The following GALNT13 variants were observed in gnomAD, a reference collection of about 807,000 sequenced individuals.
The protein encoded by GALNT13 is polypeptide N-acetylgalactosaminyltransferase 13, also known as UDP-GalNAc:polypeptide N-acetylgalactosaminyltransferase 13.
In GALNT13, 28 loss-of-function variants were observed where a neutral mutation model predicts 64.2. That is an observed-to-expected ratio of 0.44 (90% CI 0.32 to 0.60). The LOEUF is 0.60. GALNT13 is among the 20% of genes least tolerant of loss of function. The pLI is 0.05. For synonymous variants in GALNT13, 214 were observed against 224.6 expected (o/e 0.95, Z 0.42); for missense variants, 577 against 669.8 (o/e 0.86, Z 1.53).
At chr2:154,377,663 A>G (rs773717817) in intron 9 of GALNT13, among the ~76,000 whole-genome samples, 14 of 152,134 alleles carry the variant, frequency 9.2e-5, no homozygotes, top group Admixed American at 5.2e-4. Context: ...ATAATAGTTC[A>G]TTCATTCATC....
chr2:154,329,859 G>A (rs916436899), intron 9 of GALNT13, among the ~76,000 whole-genome samples: 1 of 151,958 alleles, frequency 6.6e-6, no homozygotes. Context: ...TGTGCAGAAT[G>A]GCTCCCTTTC....
chr2:153,748,264 A>G, the GALNT13 span, among the ~76,000 whole-genome samples: 5 of 152,174 alleles, frequency 3.3e-5, no homozygotes, highest in African/African-American at 4.8e-5. Flanking sequence ...CAATATGTTT[A>G]TTAAATATAT....
At chr2:154,423,029 A>G (rs1700320362) in intron 11 of GALNT13, among the ~76,000 whole-genome samples, 1 of 151,808 alleles carries the variant, frequency 6.6e-6, no homozygotes, top group Non-Finnish European at 1.5e-5. Context: ...CATCATTTAC[A>G]TTAGGTATTT....
the GALNT13 span, among the ~76,000 whole-genome samples, chr2:153,602,729 AAAG>A: frequency 6.6e-6 from 1 of 151,832 alleles, no homozygotes; most frequent in African/African-American, 2.4e-5. Flanking sequence ...TCTCTGAGCA[AAAG>A]AAGGAGGTAT....
the GALNT13 span, among the ~76,000 whole-genome samples, chr2:153,840,030 A>G: frequency 1.3e-5 from 2 of 152,082 alleles, no homozygotes; most frequent in African/African-American, 2.4e-5. Context: ...CTAGTAGGGA[A>G]CTATACTTAT....
At chr2:154,213,620 A>G (rs1229495791) in intron 4 of GALNT13, among the ~76,000 whole-genome samples, 1 of 152,050 alleles carries the variant, frequency 6.6e-6, no homozygotes, top group Non-Finnish European at 1.5e-5. Flanking sequence ...GAGTGAAAAA[A>G]AAAAAACGGA....
intron 1 of GALNT13, among the ~76,000 whole-genome samples, chr2:153,880,383 A>T (rs1298188288): frequency 2.0e-5 from 3 of 152,096 alleles, no homozygotes; most frequent in African/African-American, 7.2e-5. Context: ...TTTAAAATGA[A>T]TTTTATTTTA....
intron 9 of GALNT13, among the ~76,000 whole-genome samples, chr2:154,343,242 T>G (rs1026654603): frequency 6.6e-6 from 1 of 151,994 alleles, no homozygotes; most frequent in Non-Finnish European, 1.5e-5. Context: ...CTCAGTGAAA[T>G]TAGTTTTAAA....
At chr2:154,032,198 G>T (rs559842554) in intron 3 of GALNT13, among the ~76,000 whole-genome samples, 1 of 151,792 alleles carries the variant, frequency 6.6e-6, no homozygotes, top group Admixed American at 6.6e-5. Flanking sequence ...TTGAAAAAAG[G>T]CATTAAAATA....
chr2:153,281,822 G>C, the GALNT13 span, among the ~76,000 whole-genome samples: 2 of 141,772 alleles, frequency 1.4e-5, no homozygotes, highest in Non-Finnish European at 1.5e-5. Context: ...TGCTTTTAAG[G>C]CTTTTTTTTT....
At chr2:153,406,784 C>G in the GALNT13 span, among the ~76,000 whole-genome samples, 50 of 152,130 alleles carry the variant, frequency 3.3e-4, no homozygotes, top group Non-Finnish European at 1.3e-4. Context: ...GTTCGTCCAA[C>G]AAGTGAATTT....
At chr2:153,939,041 G>A (rs1417717385) in intron 2 of GALNT13, among the ~76,000 whole-genome samples, 4 of 152,168 alleles carry the variant, frequency 2.6e-5, no homozygotes, top group Admixed American at 1.3e-4. Flanking sequence ...TTAAGAAAGG[G>A]GGACAAATAA....
chr2:154,024,507 G>A (rs528358189), intron 3 of GALNT13, among the ~76,000 whole-genome samples: 14 of 152,032 alleles, frequency 9.2e-5, no homozygotes, highest in East Asian at 3.9e-4. Flanking sequence ...GTCTGCATTC[G>A]TCACGTAGCT....
At chr2:153,269,643 G>A in the GALNT13 span, among the ~76,000 whole-genome samples, 1 of 152,064 alleles carries the variant, frequency 6.6e-6, no homozygotes, top group African/African-American at 2.4e-5. Context: ...TACTCTGCCG[G>A]TACCAATTCT....
chr2:153,880,578 A>G (rs1406459974), intron 1 of GALNT13, among the ~76,000 whole-genome samples: 1 of 152,090 alleles, frequency 6.6e-6, no homozygotes, highest in Admixed American at 6.6e-5. Flanking sequence ...ACTCACTACC[A>G]TCTTTTCTCT....
At chr2:153,789,357 ATAAT>A in the GALNT13 span, among the ~76,000 whole-genome samples, 1 of 152,170 alleles carries the variant, frequency 6.6e-6, no homozygotes, top group Admixed American at 6.5e-5. Context: ...TTTTGGGTAA[ATAAT>A]TAAGGCAGAA....
At chr2:154,120,752 C>A (rs2105515805) in intron 3 of GALNT13, among the ~76,000 whole-genome samples, 1 of 152,292 alleles carries the variant, frequency 6.6e-6, no homozygotes, top group Admixed American at 6.5e-5. Flanking sequence ...GTAAGTTAAA[C>A]TTCCCACCAT....
the GALNT13 span, among the ~76,000 whole-genome samples, chr2:153,247,162 A>T: frequency 5.9e-5 from 9 of 152,324 alleles, no homozygotes; most frequent in African/African-American, 2.2e-4. Context: ...CTACAGAGAG[A>T]CTTAGATTCT....
At chr2:153,686,027 G>A in the GALNT13 span, among the ~76,000 whole-genome samples, 6 of 152,064 alleles carry the variant, frequency 3.9e-5, 1 homozygote, top group Non-Finnish European at 4.4e-5. Context: ...CCAGTACCAC[G>A]CTGTTTCAGT....
Sources: gnomAD v4.1 joint callset for allele counts (sites outside exome capture counted in the v4.1 genomes callset) on GRCh38, gnomAD v4.1.1 for gene constraint, MANE v1.5 for transcripts, NCBI Gene and HGNC (gene_info 2026-07-23, HGNC 2026-07-21) for gene names.